The following DDX60L variants were observed in gnomAD, a reference collection of about 807,000 sequenced individuals.
The protein encoded by DDX60L is probable ATP-dependent RNA helicase DDX60-like.
A neutral mutation model predicts 211.6 loss-of-function variants in DDX60L; 191 were observed. The ratio of observed to expected loss-of-function variants is 0.90; its 90% CI spans 0.80 to 1.02. DDX60L has a LOEUF of 1.02. Among genes scored for constraint, DDX60L ranks in the 50% least tolerant of loss-of-function variants. The pLI, the probability that DDX60L is intolerant of heterozygous loss-of-function variation, is 0.00. For synonymous variants in DDX60L, 706 were observed against 694.1 expected, an observed-to-expected ratio of 1.02 and a Z score of -0.27; for missense variants, 2,007 against 1,984.1, an observed-to-expected ratio of 1.01 and a Z score of -0.22.
Position 168,421,811 on chromosome 4 carries a change from T to C in DDX60L, c.2343A>G (p.Lys781=). Reference sequence around the variant, plus strand: ...CCCCGACATCGCTCTCCCTCAGCACTTTCTCCATGCAGTAGTAGGAAGCAT... The same window carrying C: ...CCCCGACATCGCTCTCCCTCAGCACCTTCTCCATGCAGTAGTAGGAAGCAT... ...KTYASYYCME[K]VLRESDVGVV... Residue 781 remains lysine (K), a synonymous_variant, in exon 17 of 38, where the codon AAA becomes AAG. Transcript: ENST00000682922. 4 of 1,614,216 alleles carry C rather than the reference T, an allele frequency of 2.5e-6. No homozygotes were observed. Among genetic ancestry groups the C allele is most frequent in the Non-Finnish European group, 3.4e-6 (4 of 1,180,038 alleles).
intron 33 of DDX60L, among the ~76,000 whole-genome samples, chr4:168,377,339 T>A (rs542127911): frequency 1.2e-4 from 15 of 123,938 alleles, no homozygotes; most frequent in East Asian, 4.8e-4. Context: ...AATAAATAAA[T>A]AAAAATATCT....
chr4:168,478,146 G>A (rs563718609), intron 1 of DDX60L, among the ~76,000 whole-genome samples: 6 of 151,298 alleles, frequency 4.0e-5, no homozygotes, highest in Non-Finnish European at 8.8e-5. Flanking sequence ...AATTTGGGTC[G>A]CACAGGTGAC....
chr4:168,470,813 C>T, intron 4 of DDX60L: 1 of 252,738 alleles, frequency 4.0e-6, no homozygotes, highest in Non-Finnish European at 8.0e-6. Flanking sequence ...GCACTTCAGC[C>T]TGTGCAAAAA....
chr4:168,419,469 C>T, intron 18 of DDX60L, 72 bp from the exon 19 acceptor site: 2 of 1,080,160 alleles, frequency 1.9e-6, no homozygotes, highest in Non-Finnish European at 2.6e-6. Flanking sequence ...GTAATAGGAA[C>T]CTAGAAAATA....
chr4:168,422,636 A>G lies in DDX60L; in HGVS notation c.2132T>C (p.Ile711Thr), dbSNP rs1228085944. The G allele has an allele frequency of 1.9e-6, 3 of 1,610,076 alleles. No individual in the cohort carries two copies. The highest frequency in any genetic ancestry group is 2.5e-6 in the Non-Finnish European group (3 of 1,177,774). The change falls in exon 16 of 38, where the codon ATT becomes ACT. Residue 711 changes from isoleucine (I) to threonine (T), a missense_variant. Transcript: ENST00000682922. The stretch of plus-strand genomic sequence containing the variant: ...TTGAAACCGAGCTGGTCCAATGTCA[A>G]TCGAATATTTCTTCTTATTTTTGTC... ...GDDKNKKKYSIDIGPARFQLQ... is the reference protein window; with the variant it reads ...GDDKNKKKYSTDIGPARFQLQ...
rs776558325 is a variant in DDX60L, at chr4:168,415,410, T to C, written c.2977A>G (p.Ile993Val). 3 of 1,593,938 alleles carry C rather than the reference T, an allele frequency of 1.9e-6. No homozygotes were observed. The highest frequency in any genetic ancestry group is 1.7e-5 in the Admixed American group (1 of 57,970). ...FHPCAALTTD[I>V]IEKYGFPPDL... is the part of the protein sequence containing the mutation. Reference sequence around the variant, plus strand: ...GACAAATACACTTTTATACTTACAATATCTGTCGTTAGCGCAGCACAGGGA... The same window carrying C: ...GACAAATACACTTTTATACTTACAACATCTGTCGTTAGCGCAGCACAGGGA... The change falls in exon 22 of 38, where the codon ATT becomes GTT. Residue 993 changes from isoleucine (I) to valine (V), a missense_variant and splice_region_variant. Physicochemically the swap from Ile to Val is conservative, Grantham distance 29. Transcript: ENST00000682922.
intron 35 of DDX60L, among the ~76,000 whole-genome samples, chr4:168,373,448 G>T (rs1433546807): frequency 1.3e-5 from 2 of 152,074 alleles, no homozygotes; most frequent in Non-Finnish European, 2.9e-5. Context: ...AAAAACAGTG[G>T]TGTCTGAAAT....
At chr4:168,432,865 A>T in intron 11 of DDX60L, 145 bp downstream of exon 11, 1 of 498,206 alleles carries the variant, frequency 2.0e-6, no homozygotes, top group Non-Finnish European at 3.6e-6. Context: ...TAGATGTTAC[A>T]ATCACTTAAA....
intron 4 of DDX60L, among the ~76,000 whole-genome samples, chr4:168,465,881 G>T (rs1310726722): frequency 6.6e-6 from 1 of 152,070 alleles, no homozygotes; most frequent in Non-Finnish European, 1.5e-5. Flanking sequence ...GTACCATGCT[G>T]TTTGGGTTAC....
At chr4:168,476,919 TAA>T (rs1427988602) in intron 1 of DDX60L, among the ~76,000 whole-genome samples, 1 of 152,172 alleles carries the variant, frequency 6.6e-6, no homozygotes, top group Admixed American at 6.5e-5. Flanking sequence ...CAAAGAACAT[TAA>T]GACTCCAGGG....
intron 24 of DDX60L, 25 bp from the exon 25 acceptor site, chr4:168,404,131 TAA>T (rs201061430): frequency 2.3e-3 from 2,375 of 1,029,266 alleles, no homozygotes; most frequent in East Asian, 3.3e-3. Flanking sequence ...AAAAATTATT[TAA>T]AAAAAAAAAA....
chr4:168,376,212 ATTAT>A (rs1343860126), intron 33 of DDX60L, among the ~76,000 whole-genome samples: 2 of 152,178 alleles, frequency 1.3e-5, no homozygotes, highest in Non-Finnish European at 1.5e-5. Flanking sequence ...TATGGGTTTT[ATTAT>A]TTATTTGATA....
At chr4:168,441,626 T>C in intron 9 of DDX60L, 134 bp from the exon 10 acceptor site, 1 of 651,952 alleles carries the variant, frequency 1.5e-6, no homozygotes, top group Non-Finnish European at 2.5e-6. Flanking sequence ...AGTTACACAA[T>C]ACACTTGCAT....
chr4:168,440,982 A>C (rs1378696724), intron 10 of DDX60L, among the ~76,000 whole-genome samples: 2 of 152,180 alleles, frequency 1.3e-5, no homozygotes, highest in African/African-American at 4.8e-5. Flanking sequence ...AGTTCAAAGC[A>C]GACAAAACTA....
At chr4:168,401,843 A>C (rs1746869722) in intron 25 of DDX60L, among the ~76,000 whole-genome samples, 1 of 152,230 alleles carries the variant, frequency 6.6e-6, no homozygotes, top group African/African-American at 2.4e-5. Flanking sequence ...AAGACTAGGA[A>C]AGTCACAGTC....
intron 9 of DDX60L, among the ~76,000 whole-genome samples, chr4:168,446,029 G>A (rs1285259176): frequency 1.3e-5 from 2 of 148,896 alleles, no homozygotes; most frequent in Admixed American, 1.4e-4. Flanking sequence ...GTTCTGGCCA[G>A]GGCAATTAGG....
chr4:168,448,522 TAC>T, intron 9 of DDX60L, 114 bp downstream of exon 9: 1 of 706,342 alleles, frequency 1.4e-6, no homozygotes, highest in Non-Finnish European at 2.3e-6. Flanking sequence ...AAAAAGTATG[TAC>T]ACACACAAAG....
At chr4:168,419,062 A>G (rs1561029009) in intron 19 of DDX60L, among the ~76,000 whole-genome samples, 1 of 152,200 alleles carries the variant, frequency 6.6e-6, no homozygotes, top group African/African-American at 2.4e-5. Context: ...GGCTTGTACT[A>G]TTCTGGATTA....
Position 168,395,988 on chromosome 4 carries a change from G to A in DDX60L, c.3628C>T (p.His1210Tyr), listed in dbSNP as rs1443171976. ...TCTTTATTCCTGGTAATTTCAGTGT[G>A]TAGGGCTTTGACATCAGCATACGTG... ...DCTYADVKALHTEITRNKDST... is the reference protein window; with the variant it reads ...DCTYADVKALYTEITRNKDST... Residue 1210 changes from histidine (H) to tyrosine (Y), a missense_variant, in exon 27 of 38, where the codon CAC (histidine) becomes TAC (tyrosine). Coordinates refer to ENST00000682922, the MANE Select transcript of DDX60L (RefSeq NM_001012967.3). 3.1e-6 allele frequency: 5 copies of A among 1,607,508 alleles called. No individual in the cohort carries two copies. In the South Asian group the frequency reaches 5.6e-5, roughly 18 times the overall value.
Sources: gnomAD v4.1 joint callset for allele counts (sites outside exome capture counted in the v4.1 genomes callset) on GRCh38, gnomAD v4.1.1 for gene constraint, MANE v1.5 for transcripts, NCBI Gene and HGNC (gene_info 2026-07-23, HGNC 2026-07-21) for gene names.